Variants in ASCC3 observed in about 807,000 individuals in gnomAD.
ASCC3 encodes the protein activating signal cointegrator 1 complex subunit 3, also known as ASC-1 complex subunit P200.
Under a neutral mutation model 256.3 loss-of-function variants are expected in ASCC3, and 158 were observed. That is an observed-to-expected ratio of 0.62 (90% confidence interval 0.54 to 0.70). The LOEUF (loss-of-function observed/expected upper bound fraction) is 0.70. Ranked by LOEUF, ASCC3 falls within the 30% of genes least tolerant of loss-of-function variation. The pLI, the probability that ASCC3 is intolerant of heterozygous loss-of-function variation, is 0.00. For missense variants in ASCC3, 2,259 were observed against 2,626.0 expected (o/e 0.86, Z 3.05); for synonymous variants, 948 against 883.4 (o/e 1.07, Z -1.30).
chr6:100,793,385 C>G (rs1769445416), intron 8 of ASCC3, among the ~76,000 whole-genome samples: 1 of 151,816 alleles, frequency 6.6e-6, no homozygotes, highest in South Asian at 2.1e-4. Context: ...TGGTCATGCC[C>G]CAAATTAAAA....
chr6:100,769,990 G>A (rs1781843149), intron 8 of ASCC3, among the ~76,000 whole-genome samples: 1 of 151,728 alleles, frequency 6.6e-6, no homozygotes, highest in African/African-American at 2.4e-5. Flanking sequence ...AAAGATTCTT[G>A]AATGAATTCC....
chr6:100,704,431 A>G (rs1239590312), intron 13 of ASCC3, among the ~76,000 whole-genome samples: 1 of 152,028 alleles, frequency 6.6e-6, no homozygotes, highest in Admixed American at 6.6e-5. Context: ...TGCTTATTAT[A>G]TCTGGAGAAT....
chr6:100,749,030 T>C (rs549049367), intron 10 of ASCC3, among the ~76,000 whole-genome samples: 36 of 152,132 alleles, frequency 2.4e-4, no homozygotes, highest in African/African-American at 8.4e-4. Context: ...GACTGATAAA[T>C]ATGAATGTGA....
Position 100,800,405 on chromosome 6 carries a change from C to T in ASCC3, c.1022G>A (p.Arg341Gln). The change falls in exon 6 of 42, where the codon CGA (arginine) becomes CAA (glutamine). Residue 341 changes from arginine (R) to glutamine (Q), a missense_variant. Physicochemically the swap from Arg to Gln is conservative, Grantham distance 43. Coordinates refer to ENST00000369162, the MANE Select transcript of ASCC3 (RefSeq NM_006828.4). ...EQEKQLMKQYRREEKRIARRE... is the reference protein window; with the variant it reads ...EQEKQLMKQYQREEKRIARRE... ...TCTGGCAATTCTTTTTTCTTCACGT[C>T]GATATTGTTTCATTAACTGCTTTTC... is the stretch of plus-strand genomic sequence containing the variant. 5.0e-6 allele frequency: 8 copies of T among 1,612,554 alleles called. No individual in the cohort carries two copies. Among genetic ancestry groups the T allele is most frequent in the African/African-American group, 4.0e-5 (3 of 74,890 alleles).
chr6:100,863,033 T>C (rs967928410), intron 3 of ASCC3, among the ~76,000 whole-genome samples: 1 of 152,094 alleles, frequency 6.6e-6, no homozygotes, highest in Admixed American at 6.6e-5. Flanking sequence ...AAGAATGAAG[T>C]GAGGTCAGAC....
intron 3 of ASCC3, among the ~76,000 whole-genome samples, chr6:100,863,400 T>G (rs2114543924): frequency 6.6e-6 from 1 of 152,340 alleles, no homozygotes; most frequent in African/African-American, 2.4e-5. Flanking sequence ...TAGGTGGGCA[T>G]CTATAATAAG....
intron 10 of ASCC3, among the ~76,000 whole-genome samples, chr6:100,758,130 A>G (rs1781269551): frequency 6.6e-6 from 1 of 152,180 alleles, no homozygotes; most frequent in South Asian, 2.1e-4. Context: ...ACTGAAAATA[A>G]CATGCCTACC....
At chr6:100,529,714 A>AT (rs1774770290) in intron 37 of ASCC3, among the ~76,000 whole-genome samples, 1 of 152,196 alleles carries the variant, frequency 6.6e-6, no homozygotes, top group Admixed American at 6.5e-5. Context: ...TCAATATAGG[A>AT]CAAAGGAAAC....
chr6:100,559,958 T>C (rs1360317612), intron 36 of ASCC3, among the ~76,000 whole-genome samples: 1 of 152,092 alleles, frequency 6.6e-6, no homozygotes, highest in Non-Finnish European at 1.5e-5. Flanking sequence ...GATCATATAA[T>C]AAGATATGGG....
rs900544132 is a variant in ASCC3 at position 100,521,811 on chromosome 6, G to A, written c.5776-3669C>T. Reference sequence around the variant, plus strand: ...ATGGTCCAGGCAAATGGATTGGAGAGTCCTGGTAGCTTGCACTGATACACT... The same window carrying A: ...ATGGTCCAGGCAAATGGATTGGAGAATCCTGGTAGCTTGCACTGATACACT... On this transcript the variant is annotated intron_variant, in intron 37 of 41. Transcript: ENST00000369162. 6.6e-5 allele frequency among the ~76,000 whole-genome samples: 10 copies of A among 152,328 alleles called. No individual in the cohort carries two copies. The East Asian group carries it at 1.2e-3, about 18-fold the overall frequency.
At chr6:100,733,602 T>C (rs1780011529) in intron 10 of ASCC3, among the ~76,000 whole-genome samples, 1 of 152,114 alleles carries the variant, frequency 6.6e-6, no homozygotes, top group Non-Finnish European at 1.5e-5. Context: ...ATAAATACCT[T>C]TTCTTTATAA....
intron 4 of ASCC3, among the ~76,000 whole-genome samples, chr6:100,840,525 A>T (rs1038977715): frequency 2.3e-4 from 25 of 109,770 alleles, no homozygotes; most frequent in Non-Finnish European, 2.3e-4. Context: ...AAGAGTCTTT[A>T]TTGCAATGTT....
chr6:100,530,342 G>A, intron 37 of ASCC3: 1 of 1,385,412 alleles, frequency 7.2e-7, no homozygotes, highest in Non-Finnish European at 1.0e-6. Flanking sequence ...ACAATCTAGT[G>A]AAAAAAACCG....
chr6:100,578,848 T>A (rs1771029522), intron 36 of ASCC3, among the ~76,000 whole-genome samples: 1 of 152,152 alleles, frequency 6.6e-6, no homozygotes, highest in Non-Finnish European at 1.5e-5. Flanking sequence ...ACACACTGCT[T>A]TCCACAATGG....
intron 24 of ASCC3, among the ~76,000 whole-genome samples, chr6:100,639,645 T>C (rs1775015654): frequency 1.3e-5 from 2 of 152,244 alleles, no homozygotes; most frequent in African/African-American, 4.8e-5. Context: ...TTCATGGTAC[T>C]GTTTCAAAAT....
intron 36 of ASCC3, among the ~76,000 whole-genome samples, chr6:100,566,786 T>C (rs1405680558): frequency 6.6e-6 from 1 of 152,048 alleles, no homozygotes; most frequent in Non-Finnish European, 1.5e-5. Context: ...AGAAAGAAAA[T>C]TGATTCCATG....
At chr6:100,852,860 T>G (rs1349388010) in intron 3 of ASCC3, among the ~76,000 whole-genome samples, 1 of 152,052 alleles carries the variant, frequency 6.6e-6, no homozygotes, top group Non-Finnish European at 1.5e-5. Flanking sequence ...CTGTAATATA[T>G]TTAAAAGGAT....
intron 40 of ASCC3, among the ~76,000 whole-genome samples, chr6:100,512,233 A>C (rs1202001786): frequency 6.6e-6 from 1 of 152,216 alleles, no homozygotes; most frequent in Non-Finnish European, 1.5e-5. Flanking sequence ...CTAAGTGGTA[A>C]AGCTTCAGTC....
chr6:100,737,361 T>C (rs945157338), intron 10 of ASCC3, among the ~76,000 whole-genome samples: 27 of 152,198 alleles, frequency 1.8e-4, no homozygotes, highest in African/African-American at 6.0e-4. Flanking sequence ...ATCCCTTAGC[T>C]ATTCCTCTTG....
Sources: allele counts gnomAD v4.1 joint callset (sites outside exome capture counted in the v4.1 genomes callset), GRCh38; gene constraint gnomAD v4.1.1; transcripts MANE v1.5; gene names NCBI Gene and HGNC (gene_info 2026-07-23, HGNC 2026-07-21).